CEACAM20: variants seen among roughly 807,000 people sequenced by gnomAD.
The protein encoded by CEACAM20 is cell adhesion molecule CEACAM20.
A neutral mutation model predicts 61.2 loss-of-function variants in CEACAM20; 50 were observed. The ratio of observed to expected loss-of-function variants is 0.82; its 90% CI spans 0.65 to 1.03. The LOEUF (loss-of-function observed/expected upper bound fraction) is 1.03. Ranked by LOEUF, CEACAM20 falls within the 50% of genes least tolerant of loss-of-function variation. CEACAM20 has a pLI of 0.00. For missense variants in CEACAM20, 683 were observed against 736.4 expected (o/e 0.93, Z 0.84); for synonymous variants, 282 against 287.7 (o/e 0.98, Z 0.20).
chr19:44,525,095 C>T lies in CEACAM20; in HGVS notation c.196+6G>A. ...CAGAATGACCGTCTTGTTTTCTGGC[C>T]CCTACCTCTGGATCTGCCATGAATC... On this transcript the variant is annotated splice_donor_region_variant and intron_variant, in intron 2 of 11. Coordinates refer to ENST00000614924, the MANE Select transcript of CEACAM20 (RefSeq NM_001102597.3). The T allele has an allele frequency of 1.2e-6, 2 of 1,610,192 alleles. No individual in the cohort carries two copies. The highest frequency in any genetic ancestry group is 1.3e-5 in the African/African-American group (1 of 74,688).
chr19:44,521,395 G>A (rs1490034037), intron 4 of CEACAM20, among the ~76,000 whole-genome samples: 3 of 152,060 alleles, frequency 2.0e-5, no homozygotes, highest in Non-Finnish European at 4.4e-5. Context: ...GTGCATATTA[G>A]GTGTATATAT....
chr19:44,508,682 G>A (rs918877651), intron 11 of CEACAM20, among the ~76,000 whole-genome samples: 8 of 152,112 alleles, frequency 5.3e-5, no homozygotes, highest in Admixed American at 2.0e-4. Flanking sequence ...GAGCCACCGC[G>A]CCTGGCCCAG....
intron 1 of CEACAM20, 74 bp from the exon 2 acceptor site, chr19:44,525,318 C>T (rs1971497460): frequency 4.2e-6 from 6 of 1,421,596 alleles, no homozygotes; most frequent in African/African-American, 1.5e-5. Context: ...TCTTCAGAAG[C>T]ACAGGGAGCT....
At chr19:44,510,453 C>A (rs549931892) in intron 11 of CEACAM20, among the ~76,000 whole-genome samples, 2 of 149,438 alleles carry the variant, frequency 1.3e-5, no homozygotes, top group Non-Finnish European at 3.0e-5. Flanking sequence ...GCAGAGGTTG[C>A]AGTCATCAGA....
chr19:44,512,653 C>G (rs148993962), intron 8 of CEACAM20, among the ~76,000 whole-genome samples: 30 of 152,330 alleles, frequency 2.0e-4, no homozygotes, highest in African/African-American at 7.0e-4. Context: ...AGCCTGTTGT[C>G]CTGCTTTTGC....
In CEACAM20 at chr19:44,524,182, A is replaced by T; in HGVS notation, c.276T>A (p.Thr92=). ...QKDMVTFYCT[T]KDVNITIHWV... ...AGTGGATGGTAATGTTGACGTCCTTAGTGGTGCAGTAGAAGGTCACCATGT... is the reference window on the plus strand; with the variant it reads ...AGTGGATGGTAATGTTGACGTCCTTTGTGGTGCAGTAGAAGGTCACCATGT... The change falls in exon 3 of 12, where the codon ACT becomes ACA. Residue 92 remains threonine (T), a synonymous_variant. Coordinates refer to ENST00000614924, the MANE Select transcript of CEACAM20 (RefSeq NM_001102597.3). 1 of 1,613,956 alleles carries T rather than the reference A, an allele frequency of 6.2e-7. No homozygotes were observed. Among genetic ancestry groups the T allele is most frequent in the Non-Finnish European group, 8.5e-7 (1 of 1,179,860 alleles).
chr19:44,524,771 G>C (rs550694308), intron 2 of CEACAM20, among the ~76,000 whole-genome samples: 12 of 152,074 alleles, frequency 7.9e-5, no homozygotes, highest in African/African-American at 2.4e-4. Flanking sequence ...TGTACACATG[G>C]GGTCCCCCTA....
intron 4 of CEACAM20, among the ~76,000 whole-genome samples, chr19:44,521,695 A>G (rs1006731888): frequency 1.3e-5 from 2 of 151,756 alleles, no homozygotes; most frequent in Non-Finnish European, 2.9e-5. Context: ...GTGATGAGTG[A>G]GTTGTACACC....
chr19:44,526,221 G>C (rs1971524448), intron 1 of CEACAM20, among the ~76,000 whole-genome samples: 1 of 152,154 alleles, frequency 6.6e-6, no homozygotes, highest in South Asian at 2.1e-4. Context: ...CAGGTTTCCA[G>C]TTTTCAACGG....
At position 44,522,809 on chromosome 19, in the gene CEACAM20, CTT is replaced by C. The variant is rs752793453; in HGVS notation, c.574_575del (p.Lys192ValfsTer13). On this transcript the variant is annotated frameshift_variant, in exon 4 of 12. Coordinates refer to ENST00000614924, the MANE Select transcript of CEACAM20 (RefSeq NM_001102597.3). LOFTEE classifies it high-confidence loss of function. ...AAGTATAGGCACAGGGTGGGTGAGA[CTT>C]TGTTTCCGCTAAGAAGGTCATGCTG... ...GSSMTFLAET[K>X]SHPPCAYTWF... 4 of 1,613,528 alleles carry C rather than the reference CTT, an allele frequency of 2.5e-6. No individual in the cohort carries two copies. The South Asian group carries it at 4.4e-5, about 18-fold the overall frequency.
At chr19:44,508,074 T>C (rs1378872374) in intron 11 of CEACAM20, among the ~76,000 whole-genome samples, 1 of 152,214 alleles carries the variant, frequency 6.6e-6, no homozygotes, top group Non-Finnish European at 1.5e-5. Context: ...ATTGGAGTTC[T>C]CTGTCCCTAA....
chr19:44,512,835 GC>G, intron 8 of CEACAM20, 32 bp downstream of exon 8: 1 of 1,575,648 alleles, frequency 6.3e-7, no homozygotes, highest in Non-Finnish European at 8.7e-7. Context: ...CCTCACCCCT[GC>G]CCCAGGCATC....
chr19:44,517,662 A>T (rs1005352995), intron 5 of CEACAM20, among the ~76,000 whole-genome samples: 7 of 149,178 alleles, frequency 4.7e-5, no homozygotes, highest in African/African-American at 1.7e-4. Flanking sequence ...ATGCCACTGC[A>T]CTCCAGCCTG....
chr19:44,506,319 A>T, intron 11 of CEACAM20, 105 bp from the exon 12 acceptor site: 1 of 936,446 alleles, frequency 1.1e-6, no homozygotes. Context: ...CTTTCTTTGG[A>T]AATTCCAAAA....
At chr19:44,513,050 C>A in intron 7 of CEACAM20, 97 bp from the exon 8 acceptor site, 4 of 1,320,982 alleles carry the variant, frequency 3.0e-6, no homozygotes, top group Admixed American at 4.2e-5. Context: ...ACAATGCCCA[C>A]AACCCTCTGA....
At position 44,520,626 on chromosome 19, in the gene CEACAM20, G is replaced by A. The variant is rs774516586; in HGVS notation, c.878C>T (p.Pro293Leu). ...VNVQWFLSGQ[P>L]LLPSEHLQLS... ...CTGCAGGTGCTCACTGGGCAGGAGGGGCTGGCCACTTAGGAACCACTGGAC... is the reference window on the plus strand; with the variant it reads ...CTGCAGGTGCTCACTGGGCAGGAGGAGCTGGCCACTTAGGAACCACTGGAC... Residue 293 changes from proline (P) to leucine (L), a missense_variant, in exon 5 of 12, where the codon CCC (proline) becomes CTC (leucine). Coordinates refer to ENST00000614924, the MANE Select transcript of CEACAM20 (RefSeq NM_001102597.3). 3.1e-6 allele frequency: 5 copies of A among 1,614,010 alleles called. No individual in the cohort carries two copies. Among genetic ancestry groups the A allele is most frequent in the Non-Finnish European group, 4.2e-6 (5 of 1,179,886 alleles).
rs377750015 is a variant in CEACAM20 at position 44,522,922 on chromosome 19, C to T, written c.473-10G>A. The T allele has an allele frequency of 6.3e-7, 1 of 1,593,796 alleles. No homozygotes were observed. Among genetic ancestry groups the T allele is most frequent in the African/African-American group, 1.3e-5 (1 of 74,740 alleles). On this transcript the variant is annotated splice_polypyrimidine_tract_variant and intron_variant, in intron 3 of 11. Coordinates refer to ENST00000614924, the MANE Select transcript of CEACAM20 (RefSeq NM_001102597.3). ...ACAGGATCAGGACCATCTGAGAGGA[C>T]AGGAACAATTACAGCAGTAACAACA...
chr19:44,517,208 C>T lies in CEACAM20; in HGVS notation c.1047G>A (p.Val349=), dbSNP rs1428266829. 1 of 1,606,852 alleles carries T rather than the reference C, an allele frequency of 6.2e-7. No homozygotes were observed. The change falls in exon 6 of 12, where the codon GTG becomes GTA. Residue 349 remains valine (V), a synonymous_variant. Coordinates refer to ENST00000614924, the MANE Select transcript of CEACAM20 (RefSeq NM_001102597.3). ...ELTINYGPDQ[V]HITRESASEM... ...CAGATGCCGACTCCCTGGTGATGTG[C>T]ACTTGGTCAGGACCATCTGTGTGTA...
intron 4 of CEACAM20, 130 bp downstream of exon 4, chr19:44,522,504 A>T: frequency 1.0e-6 from 1 of 972,324 alleles, no homozygotes; most frequent in Non-Finnish European, 1.5e-6. Context: ...ATGCAACTCA[A>T]TGTCATGCAG....
Sources: allele counts gnomAD v4.1 joint callset (sites outside exome capture counted in the v4.1 genomes callset), GRCh38; gene constraint gnomAD v4.1.1; transcripts MANE v1.5; gene names NCBI Gene and HGNC (gene_info 2026-07-23, HGNC 2026-07-21).